Variants in NLGN1 observed in about 807,000 individuals in gnomAD.
The protein encoded by NLGN1 is neuroligin-1.
NLGN1 carries 12 observed loss-of-function variants against 65.5 expected under a neutral mutation model. The observed-to-expected ratio is 0.18, with a 90% CI of 0.12 to 0.30. The LOEUF is 0.30. Among genes scored for constraint, NLGN1 ranks in the 10% least tolerant of loss-of-function variants. The pLI is 1.00. For missense variants in NLGN1, 750 were observed against 1,007.1 expected (o/e 0.74, Z 3.46); for synonymous variants, 350 against 359.5 (o/e 0.97, Z 0.30).
chr3:173,932,648 G>C (rs1319982653), intron 4 of NLGN1, among the ~76,000 whole-genome samples: 2 of 152,168 alleles, frequency 1.3e-5, no homozygotes, highest in Non-Finnish European at 2.9e-5. Flanking sequence ...GTTAGGGTGT[G>C]TAACCAGATT....
chr3:174,101,061 T>C (rs995627798), intron 4 of NLGN1, among the ~76,000 whole-genome samples: 1 of 152,242 alleles, frequency 6.6e-6, no homozygotes, highest in South Asian at 2.1e-4. Flanking sequence ...CTATGTGATA[T>C]CAACATAGGT....
chr3:174,146,445 A>G (rs556985650), intron 4 of NLGN1, among the ~76,000 whole-genome samples: 5 of 152,328 alleles, frequency 3.3e-5, no homozygotes, highest in African/African-American at 9.6e-5. Flanking sequence ...AACCACTAAT[A>G]ACTGCTCAAT....
At chr3:173,644,782 C>A (rs1263294451) in intron 3 of NLGN1, 1 of 153,446 alleles carries the variant, frequency 6.5e-6, no homozygotes, top group Non-Finnish European at 1.5e-5. Context: ...AGAGACCAAG[C>A]TGGTGTATTG....
intron 3 of NLGN1, among the ~76,000 whole-genome samples, chr3:173,608,466 G>A (rs753685835): frequency 6.6e-6 from 1 of 151,870 alleles, no homozygotes. Flanking sequence ...TATATTAGGT[G>A]TTTTGCGTAA....
At chr3:173,610,305 A>G (rs972237547) in intron 3 of NLGN1, among the ~76,000 whole-genome samples, 4 of 151,988 alleles carry the variant, frequency 2.6e-5, no homozygotes, top group African/African-American at 9.7e-5. Context: ...AAGAAGGGTT[A>G]CGGGAGAAGC....
chr3:173,990,672 A>G (rs1720902405), intron 4 of NLGN1, among the ~76,000 whole-genome samples: 1 of 152,136 alleles, frequency 6.6e-6, no homozygotes, highest in Non-Finnish European at 1.5e-5. Context: ...CCTTCTTCAG[A>G]TAATGTCATC....
chr3:174,265,884 A>G (rs957356263), intron 4 of NLGN1, among the ~76,000 whole-genome samples: 1 of 144,030 alleles, frequency 6.9e-6, no homozygotes, highest in Non-Finnish European at 1.5e-5. Flanking sequence ...TAATATATAT[A>G]TACGTATATA....
chr3:174,131,056 T>A (rs945254384), intron 4 of NLGN1, among the ~76,000 whole-genome samples: 18 of 152,294 alleles, frequency 1.2e-4, no homozygotes, highest in Non-Finnish European at 1.9e-4. Flanking sequence ...ATGTATCAAT[T>A]ATCTATTTAT....
At chr3:174,217,557 G>A (rs1391045938) in intron 4 of NLGN1, among the ~76,000 whole-genome samples, 2 of 151,994 alleles carry the variant, frequency 1.3e-5, no homozygotes, top group Non-Finnish European at 2.9e-5. Flanking sequence ...AATCCCATGA[G>A]ACCTCTCTGT....
intron 2 of NLGN1, among the ~76,000 whole-genome samples, chr3:173,458,707 T>A (rs1379374733): frequency 1.3e-5 from 2 of 152,108 alleles, no homozygotes; most frequent in African/African-American, 4.8e-5. Context: ...AATACCCAGA[T>A]ACAAGTGACT....
chr3:174,007,055 A>G (rs1262761260), intron 4 of NLGN1, among the ~76,000 whole-genome samples: 1 of 152,116 alleles, frequency 6.6e-6, no homozygotes. Context: ...GTGACAGACC[A>G]AGACTTCATC....
At chr3:173,731,740 A>G (rs1239936425) in intron 3 of NLGN1, among the ~76,000 whole-genome samples, 1 of 152,112 alleles carries the variant, frequency 6.6e-6, no homozygotes, top group African/African-American at 2.4e-5. Flanking sequence ...TAATTCACCT[A>G]GAACAATATT....
In NLGN1 at chr3:173,442,293, G is replaced by A. The variant is rs1195589403; in HGVS notation, c.-321+7215G>A. On this transcript the variant is annotated intron_variant, in intron 2 of 6. Transcript: ENST00000457714. Reference sequence around the variant, plus strand: ...GTTTTTCGTGTATAAAGAGTATTGAGTTATTTCCATTGTATTTAAAATGTA... The same window carrying A: ...GTTTTTCGTGTATAAAGAGTATTGAATTATTTCCATTGTATTTAAAATGTA... Among the ~76,000 whole-genome samples the A allele has an allele frequency of 2.6e-5, 4 of 152,058 alleles. No homozygotes were observed. In the South Asian group the frequency reaches 8.3e-4, roughly 32 times the overall value.
intron 4 of NLGN1, among the ~76,000 whole-genome samples, chr3:173,890,918 GA>G (rs1310753830): frequency 6.6e-6 from 1 of 152,104 alleles, no homozygotes; most frequent in Admixed American, 6.5e-5. Context: ...AGTGATCTTG[GA>G]AAAAAGCTAG....
intron 4 of NLGN1, among the ~76,000 whole-genome samples, chr3:174,179,873 C>T (rs986365575): frequency 2.0e-5 from 3 of 152,076 alleles, no homozygotes; most frequent in Admixed American, 1.3e-4. Flanking sequence ...AACTTTTTAA[C>T]CTGTGACCTG....
chr3:173,835,478 T>C (rs936018742), intron 4 of NLGN1, among the ~76,000 whole-genome samples: 1 of 151,918 alleles, frequency 6.6e-6, no homozygotes, highest in African/African-American at 2.4e-5. Context: ...ATCAATCATC[T>C]AAGAAAAGTA....
At chr3:173,588,418 C>G (rs80101152) in intron 2 of NLGN1, among the ~76,000 whole-genome samples, 3,704 of 152,230 alleles carry the variant, frequency 0.024, 86 homozygotes, top group East Asian at 0.11. Flanking sequence ...TCTCTGCCTT[C>G]AAGAGTCATC....
chr3:173,970,244 G>A lies in NLGN1; in HGVS notation c.646+162412G>A, dbSNP rs556671263. Among the ~76,000 whole-genome samples the A allele has an allele frequency of 3.3e-5, 5 of 152,244 alleles. No individual in the cohort carries two copies. In the East Asian group the frequency reaches 9.7e-4, roughly 29 times the overall value. ...TAACAAAGCATTTGTTTAGTGGAGG[G>A]TGAAACAAGTAAACATTAGTGAAGA... On this transcript the variant is annotated intron_variant, in intron 4 of 6. Coordinates refer to ENST00000457714, the Ensembl canonical transcript of NLGN1.
At chr3:173,508,785 C>G (rs990472947) in intron 2 of NLGN1, among the ~76,000 whole-genome samples, 1 of 152,114 alleles carries the variant, frequency 6.6e-6, no homozygotes, top group South Asian at 2.1e-4. Context: ...CCAGTCTTAT[C>G]GAACTCTCCT....
Sources: gnomAD v4.1 joint callset for allele counts (sites outside exome capture counted in the v4.1 genomes callset) on GRCh38, gnomAD v4.1.1 for gene constraint, MANE v1.5 for transcripts, NCBI Gene and HGNC (gene_info 2026-07-23, HGNC 2026-07-21) for gene names.